The following RABEP2 variants were observed in gnomAD, a reference collection of about 807,000 sequenced individuals.
The protein encoded by RABEP2 is rab GTPase-binding effector protein 2.
Under a neutral mutation model 74.1 loss-of-function variants are expected in RABEP2, and 57 were observed. The ratio of observed to expected loss-of-function variants is 0.77; its 90% CI spans 0.62 to 0.96. The LOEUF (loss-of-function observed/expected upper bound fraction) is 0.96. Ranked by LOEUF, RABEP2 falls within the 40% of genes least tolerant of loss-of-function variation. RABEP2 has a pLI of 0.00. For synonymous variants in RABEP2, 351 were observed against 344.0 expected, an observed-to-expected ratio of 1.02 and a Z score of -0.23; for missense variants, 692 against 756.3, an observed-to-expected ratio of 0.91 and a Z score of 1.00.
Position 28,905,743 on chromosome 16 carries a change from C to G in RABEP2, c.1452G>C (p.Leu484=). 6.2e-7 allele frequency: 1 copy of G among 1,614,056 alleles called. No individual in the cohort carries two copies. Among genetic ancestry groups the G allele is most frequent in the Non-Finnish European group, 8.5e-7 (1 of 1,179,962 alleles). The change falls in exon 11 of 13, where the codon CTG becomes CTC. Residue 484 remains leucine, a synonymous_variant. Coordinates refer to ENST00000358201, the MANE Select transcript of RABEP2 (RefSeq NM_024816.3). ...GCTGCACCCGCTCCATCTCTGTCCT[C>G]AGGCTGCACAGGGAGGCTGGGAAGT... ...TEVLEASLCS[L]RTEMERVQQE...
chr16:28,913,697 A>G (rs1353599697), intron 5 of RABEP2, among the ~76,000 whole-genome samples: 1 of 150,594 alleles, frequency 6.6e-6, no homozygotes, highest in African/African-American at 2.4e-5. Flanking sequence ...GGCTGGTCTC[A>G]AACTCCTGAC....
intron 1 of RABEP2, 87 bp from the exon 2 acceptor site, chr16:28,924,702 G>A: frequency 8.0e-7 from 1 of 1,244,664 alleles, no homozygotes; most frequent in Non-Finnish European, 1.1e-6. Context: ...TAGTACTGTT[G>A]CCTTCATCTG....
At chr16:28,910,762 A>T in intron 7 of RABEP2, 126 bp downstream of exon 7, 2 of 824,422 alleles carry the variant, frequency 2.4e-6, no homozygotes, top group Non-Finnish European at 3.8e-6. Flanking sequence ...CACCGGTTCC[A>T]GGGTGTGGCC....
rs766260782 is a variant in RABEP2, at chr16:28,925,103, C to T, written c.61G>A (p.Ala21Thr). 7 of 1,540,926 alleles carry T rather than the reference C, an allele frequency of 4.5e-6. 1 individual carries two copies. In the South Asian group the frequency reaches 8.3e-5, roughly 18 times the overall value. Reference sequence around the variant, plus strand: ...CTTGCACGGACGCCCCCTCACGTACCAGCCCCCGGCCGCCGCCGCCGCTCA... The same window carrying T: ...CTTGCACGGACGCCCCCTCACGTACTAGCCCCCGGCCGCCGCCGCCGCTCA... Reference protein sequence around the residue: ...DDERRRRPGAALEDSRSQEGA... With the variant: ...DDERRRRPGATLEDSRSQEGA... The change falls in exon 1 of 13, where the codon GCA (alanine) becomes ACA (threonine). Residue 21 changes from alanine to threonine, a missense_variant and splice_region_variant. Ala to Thr is a moderately conservative substitution (Grantham distance 58). Transcript: ENST00000358201.
rs896988321 is a variant in RABEP2 at position 28,914,515 on chromosome 16, G to A, written c.615C>T (p.Pro205=). ...TCAGCTCCTCCAGAGGCTCCAGCGG[G>A]GGCGATGGATCCCGGGACAGGGGCA... The part of the protein sequence containing the change: ...ELLPLSRDPS[P]PLEPLEELSG... The change falls in exon 5 of 13, where the codon CCC becomes CCT. Residue 205 remains proline, a synonymous_variant. Coordinates refer to ENST00000358201, the MANE Select transcript of RABEP2 (RefSeq NM_024816.3). 1 of 1,612,906 alleles carries A rather than the reference G, an allele frequency of 6.2e-7. No individual in the cohort carries two copies. Among genetic ancestry groups the A allele is most frequent in the African/African-American group, 1.3e-5 (1 of 74,924 alleles).
In RABEP2 at chr16:28,910,998, G is replaced by A. The variant is rs1262350297; in HGVS notation, c.991-12C>T. The A allele has an allele frequency of 3.1e-5, 50 of 1,609,902 alleles. No homozygotes were observed. The highest frequency in any genetic ancestry group is 4.2e-5 in the Non-Finnish European group (49 of 1,177,340). ...AGGAGCACCTGCATCTGGGTTGGAG[G>A]GAGGGCGAAAGTGAGGGCAAGGGCA... On this transcript the variant is annotated splice_polypyrimidine_tract_variant and intron_variant, in intron 6 of 12. Transcript: ENST00000358201.
Position 28,919,832 on chromosome 16 carries a change from A to C in RABEP2, c.386T>G (p.Leu129Arg), listed in dbSNP as rs778827111. The change falls in exon 3 of 13, where the codon CTG becomes CGG. Residue 129 changes from leucine to arginine, a missense_variant. Leu to Arg is a moderately radical substitution (Grantham distance 102, BLOSUM62 -2). Coordinates refer to ENST00000358201, the MANE Select transcript of RABEP2 (RefSeq NM_024816.3). ...GGAGTCCAGGGGGTAGGCCCGGGAC[A>C]GCAGCTGCTTCAGGCGGCCCAGCTC... ...ERELGRLKQL[L>R]SRAYPLDSLE... The C allele has an allele frequency of 1.9e-6, 3 of 1,612,300 alleles. No individual in the cohort carries two copies. The highest frequency in any genetic ancestry group is 1.7e-6 in the Non-Finnish European group (2 of 1,179,182).
At chr16:28,924,779 G>C (rs531727981) in intron 1 of RABEP2, 164 bp from the exon 2 acceptor site, 130 of 599,006 alleles carry the variant, frequency 2.2e-4, no homozygotes, top group Non-Finnish European at 3.5e-4. Flanking sequence ...CTTCCCACTC[G>C]CTCTGCCGGG....
intron 5 of RABEP2, among the ~76,000 whole-genome samples, chr16:28,912,015 G>A (rs1417774080): frequency 2.6e-5 from 4 of 151,926 alleles, no homozygotes; most frequent in Non-Finnish European, 5.9e-5. Context: ...GGGAGGCCGA[G>A]GTGGGCGGAT....
Position 28,908,730 on chromosome 16 carries a change from T to C in RABEP2, c.1124A>G (p.His375Arg). 3 of 1,614,190 alleles carry C rather than the reference T, an allele frequency of 1.9e-6. No individual in the cohort carries two copies. Among genetic ancestry groups the C allele is most frequent in the Non-Finnish European group, 2.5e-6 (3 of 1,180,020 alleles). The part of the protein sequence containing the change: ...ELVTTHKCLH[H>R]EVKRLNEENQ... ...TTCCTCATTCAACCGCTTTACCTCA[T>C]GGTGCAGGCACTTGTGGGTGGTGAC... The change falls in exon 8 of 13, where the codon CAT becomes CGT. Residue 375 changes from histidine (H) to arginine (R), a missense_variant. Coordinates refer to ENST00000358201, the MANE Select transcript of RABEP2 (RefSeq NM_024816.3).
intron 7 of RABEP2, among the ~76,000 whole-genome samples, chr16:28,908,999 C>CTATA (rs113226418): frequency 6.9e-4 from 103 of 148,606 alleles, no homozygotes; most frequent in Non-Finnish European, 1.1e-3. Flanking sequence ...TTTACTTGGT[C>CTATA]TATATATATA....
rs1359799120 is a variant in RABEP2, at chr16:28,908,625, A to G, written c.1229T>C (p.Leu410Pro). The change falls in exon 8 of 13, where the codon CTG (leucine) becomes CCG (proline). Residue 410 changes from leucine to proline, a missense_variant. Transcript: ENST00000358201. ...SQQEQGEEESLPSSVPELQQL... is the reference protein window; with the variant it reads ...SQQEQGEEESPPSSVPELQQL... Reference sequence around the variant, plus strand: ...TCAGCTTACTGGCACAGAGCTGGGCAGTGATTCCTCCTCGCCCTGCTCCTG... The same window carrying G: ...TCAGCTTACTGGCACAGAGCTGGGCGGTGATTCCTCCTCGCCCTGCTCCTG... The G allele has an allele frequency of 6.2e-7, 1 of 1,613,022 alleles. No individual in the cohort carries two copies. The highest frequency in any genetic ancestry group is 8.5e-7 in the Non-Finnish European group (1 of 1,179,684).
Position 28,904,703 on chromosome 16 carries a change from G to A in RABEP2, c.*240C>T. On this transcript the variant is annotated 3_prime_UTR_variant, in exon 13 of 13. Coordinates refer to ENST00000358201, the MANE Select transcript of RABEP2 (RefSeq NM_024816.3). The stretch of plus-strand genomic sequence containing the variant: ...GCCAGAAAGCCGCAGGCCTGAGCCT[G>A]CACCTTTGGTTCCGGGAGGGGCTTG... The A allele has an allele frequency of 1.5e-6, 1 of 646,512 alleles. No homozygotes were observed. Among genetic ancestry groups the A allele is most frequent in the Non-Finnish European group, 2.6e-6 (1 of 391,786 alleles). 40.0% of individuals were successfully genotyped at this position (646,512 alleles called of 1,614,324 possible).
In RABEP2 at chr16:28,925,102, C is replaced by G. The variant is rs1309687900; in HGVS notation, c.61+1G>C. ...GCTTGCACGGACGCCCCCTCACGTA[C>G]CAGCCCCCGGCCGCCGCCGCCGCTC... is the stretch of plus-strand genomic sequence containing the variant. On this transcript the variant is annotated splice_donor_variant, in intron 1 of 12. Coordinates refer to ENST00000358201, the MANE Select transcript of RABEP2 (RefSeq NM_024816.3). LOFTEE classifies it high-confidence loss of function. 6 of 1,541,750 alleles carry G rather than the reference C, an allele frequency of 3.9e-6. No homozygotes were observed. Among genetic ancestry groups the G allele is most frequent in the South Asian group, 1.2e-5 (1 of 84,690 alleles).
At chr16:28,907,766 A>G (rs910590442) in intron 8 of RABEP2, among the ~76,000 whole-genome samples, 1 of 152,092 alleles carries the variant, frequency 6.6e-6, no homozygotes, top group Middle Eastern at 3.4e-3. Flanking sequence ...CCTCCCAAGT[A>G]GCTGGGATTA....
chr16:28,925,221 G>A lies in RABEP2; in HGVS notation c.-58C>T, dbSNP rs1034677840. On this transcript the variant is annotated 5_prime_UTR_variant, in exon 1 of 13. Transcript: ENST00000358201. Reference sequence around the variant, plus strand: ...CCTGGTGACGGAGCGCACCGCTTCCGGGTCCTCTCGGCTGTTTCCGGATCC... The same window carrying A: ...CCTGGTGACGGAGCGCACCGCTTCCAGGTCCTCTCGGCTGTTTCCGGATCC... 164 of 1,496,818 alleles carry A rather than the reference G, an allele frequency of 1.1e-4. No homozygotes were observed. Among genetic ancestry groups the A allele is most frequent in the South Asian group, 1.8e-4 (14 of 78,984 alleles). The allele number at this position is 1,496,818 out of a possible 1,614,324, so 92.7% of individuals were successfully genotyped here.
rs766647471 is a variant in RABEP2 at position 28,910,935 on chromosome 16, G to C, written c.1042C>G (p.Leu348Val). 1 of 1,613,116 alleles carries C rather than the reference G, an allele frequency of 6.2e-7. No homozygotes were observed. The highest frequency in any genetic ancestry group is 8.5e-7 in the Non-Finnish European group (1 of 1,179,690). ...TGGGCCTGGCTCACGGTCCCTTGCA[G>C]GGTCCGCAGCAGCTGCTCTGAGTTC... ...VQNSEQLLRT[L>V]QGTVSQAQER... The change falls in exon 7 of 13, where the codon CTG becomes GTG. Residue 348 changes from leucine (L) to valine (V), a missense_variant. Physicochemically the swap from Leu to Val is conservative, Grantham distance 32. Transcript: ENST00000358201.
chr16:28,905,119 G>A, intron 12 of RABEP2, 75 bp from the exon 13 acceptor site: 3 of 1,311,020 alleles, frequency 2.3e-6, no homozygotes, highest in Non-Finnish European at 3.2e-6. Context: ...CAGCCCCCAA[G>A]GGCGGGGCCT....
intron 1 of RABEP2, 119 bp from the exon 2 acceptor site, chr16:28,924,734 G>A: frequency 2.1e-6 from 2 of 969,552 alleles, no homozygotes; most frequent in South Asian, 1.4e-5. Flanking sequence ...ACCTGGGCCC[G>A]CCCGGCTCAC....
Sources: allele counts gnomAD v4.1 joint callset (sites outside exome capture counted in the v4.1 genomes callset), GRCh38; gene constraint gnomAD v4.1.1; transcripts MANE v1.5; gene names NCBI Gene and HGNC (gene_info 2026-07-23, HGNC 2026-07-21).